TSEN2: variants seen among roughly 807,000 people sequenced by gnomAD.
TSEN2 encodes the protein tRNA-splicing endonuclease subunit Sen2.
A neutral mutation model predicts 59.2 loss-of-function variants in TSEN2; 54 were observed. The ratio of observed to expected loss-of-function variants is 0.91; its 90% confidence interval spans 0.73 to 1.14. The LOEUF is 1.14. Ranked by LOEUF, TSEN2 falls within the 50% of genes most tolerant of loss-of-function variation. The pLI, the probability that TSEN2 is intolerant of heterozygous loss-of-function variation, is 0.00. For synonymous variants in TSEN2, 195 were observed against 198.2 expected (o/e 0.98, Z 0.14); for missense variants, 636 against 576.2 (o/e 1.10, Z -1.06).
At chr3:12,507,238 G>A (rs1269945258) in intron 6 of TSEN2, among the ~76,000 whole-genome samples, 3 of 152,056 alleles carry the variant, frequency 2.0e-5, no homozygotes, top group African/African-American at 7.2e-5. Context: ...TCCTTTTCTC[G>A]GTTGCACCAG....
chr3:12,493,254 A>G (rs1228525967), intron 3 of TSEN2, among the ~76,000 whole-genome samples: 2 of 152,182 alleles, frequency 1.3e-5, no homozygotes, highest in Non-Finnish European at 2.9e-5. Context: ...ATCTGAGTCT[A>G]TTTTTAGTTG....
At chr3:12,504,548 A>G (rs1575317297) in intron 5 of TSEN2, among the ~76,000 whole-genome samples, 2 of 152,210 alleles carry the variant, frequency 1.3e-5, no homozygotes, top group East Asian at 3.9e-4. Context: ...CTGTCTCAAA[A>G]AAACAAAAAC....
At chr3:12,504,560 T>C (rs977938724) in intron 5 of TSEN2, among the ~76,000 whole-genome samples, 1 of 151,724 alleles carries the variant, frequency 6.6e-6, no homozygotes, top group Non-Finnish European at 1.5e-5. Flanking sequence ...AACAAAAACA[T>C]AGGCACATGC....
At chr3:12,529,499 G>A (rs2057326834) in intron 9 of TSEN2, among the ~76,000 whole-genome samples, 1 of 150,772 alleles carries the variant, frequency 6.6e-6, no homozygotes, top group South Asian at 2.1e-4. Flanking sequence ...GTTAGTATTA[G>A]TGCCTAAACA....
intron 6 of TSEN2, among the ~76,000 whole-genome samples, chr3:12,511,593 GTC>G (rs564463291): frequency 6.9e-4 from 103 of 150,236 alleles, no homozygotes; most frequent in African/African-American, 2.4e-3. Flanking sequence ...TTGAGGCAGG[GTC>G]TCTCTCTGTC....
At chr3:12,489,745 A>T (rs146741821) in intron 1 of TSEN2, 39 bp from the exon 2 acceptor site, 1 of 1,569,290 alleles carries the variant, frequency 6.4e-7, no homozygotes, top group Non-Finnish European at 8.7e-7. Context: ...GTAGTTATTG[A>T]TTGTCTGTTT....
chr3:12,493,280 C>T (rs2053412543), intron 3 of TSEN2, among the ~76,000 whole-genome samples: 1 of 152,150 alleles, frequency 6.6e-6, no homozygotes, highest in Non-Finnish European at 1.5e-5. Context: ...GATATATACC[C>T]AGGAGTAGAA....
At chr3:12,536,831 G>A (rs189520705), downstream of TSEN2, among the ~76,000 whole-genome samples, 9 of 151,976 alleles carry the variant, frequency 5.9e-5, no homozygotes, top group East Asian at 5.8e-4. Flanking sequence ...GTGAAACCCC[G>A]TCTCTACTAA....
downstream of TSEN2, among the ~76,000 whole-genome samples, chr3:12,534,721 A>G (rs1485517325): frequency 1.3e-5 from 2 of 151,240 alleles, no homozygotes; most frequent in Non-Finnish European, 2.9e-5. Flanking sequence ...GGAGAATGGC[A>G]TGAACCCAGG....
intron 8 of TSEN2, among the ~76,000 whole-genome samples, chr3:12,523,052 A>T (rs2056775437): frequency 1.3e-5 from 2 of 152,158 alleles, no homozygotes; most frequent in Admixed American, 1.3e-4. Context: ...GGGTTAGGTA[A>T]GTTGCTGGAG....
At chr3:12,511,493 A>G (rs2055450674) in intron 6 of TSEN2, among the ~76,000 whole-genome samples, 1 of 152,180 alleles carries the variant, frequency 6.6e-6, no homozygotes, top group Non-Finnish European at 1.5e-5. Context: ...CCCATCTCCT[A>G]ACATAAACCA....
chr3:12,509,205 TTG>T (rs751039515), intron 6 of TSEN2, among the ~76,000 whole-genome samples: 156 of 110,480 alleles, frequency 1.4e-3, no homozygotes, highest in Middle Eastern at 4.1e-3. Flanking sequence ...TTTTTTGTTG[TTG>T]TTTTTTTTTT....
At chr3:12,501,652 T>G in intron 4 of TSEN2, among the ~76,000 whole-genome samples, 1 of 152,068 alleles carries the variant, frequency 6.6e-6, no homozygotes, top group Non-Finnish European at 1.5e-5. Flanking sequence ...CAAATTTGCG[T>G]GTCATCTTTG....
intron 6 of TSEN2, among the ~76,000 whole-genome samples, chr3:12,508,804 A>T (rs1421768757): frequency 6.6e-6 from 1 of 152,250 alleles, no homozygotes; most frequent in Non-Finnish European, 1.5e-5. Flanking sequence ...CGTCTTCTGC[A>T]TCCTTCAGTG....
At chr3:12,497,720 T>G (rs1202150221) in intron 4 of TSEN2, among the ~76,000 whole-genome samples, 2 of 152,194 alleles carry the variant, frequency 1.3e-5, no homozygotes, top group East Asian at 3.9e-4. Flanking sequence ...GAGGGCTACC[T>G]CCCTGAAGAG....
At chr3:12,522,789 T>C (rs2056754399) in intron 8 of TSEN2, among the ~76,000 whole-genome samples, 1 of 152,210 alleles carries the variant, frequency 6.6e-6, no homozygotes, top group East Asian at 1.9e-4. Context: ...TTGGAAGAGG[T>C]GATATGGTTC....
chr3:12,501,813 G>A (rs1364882547), intron 4 of TSEN2, among the ~76,000 whole-genome samples: 1 of 152,084 alleles, frequency 6.6e-6, no homozygotes, highest in Non-Finnish European at 1.5e-5. Context: ...ACTGAAGGTC[G>A]AGGCAAAAAG....
intron 7 of TSEN2, among the ~76,000 whole-genome samples, chr3:12,518,022 A>T (rs1287532524): frequency 6.6e-6 from 1 of 152,190 alleles, no homozygotes. Flanking sequence ...CTGAGCCTTA[A>T]ATCAGCTGAA....
At chr3:12,526,759 C>T (rs1439781975) in intron 8 of TSEN2, among the ~76,000 whole-genome samples, 1 of 152,220 alleles carries the variant, frequency 6.6e-6, no homozygotes, top group Non-Finnish European at 1.5e-5. Context: ...GCACTGCTGA[C>T]TTGACCTTGG....
Sources: gnomAD v4.1 joint callset for allele counts (sites outside exome capture counted in the v4.1 genomes callset) on GRCh38, gnomAD v4.1.1 for gene constraint, MANE v1.5 for transcripts, NCBI Gene and HGNC (gene_info 2026-07-23, HGNC 2026-07-21) for gene names.